CTCF: variants seen among roughly 807,000 people sequenced by gnomAD.
CTCF encodes transcriptional repressor CTCF.
Under a neutral mutation model 72.3 loss-of-function variants are expected in CTCF, and 7 were observed. The observed-to-expected ratio is 0.10, with a 90% CI of 0.06 to 0.18. The LOEUF (loss-of-function observed/expected upper bound fraction) is 0.18, where lower values mean the gene tolerates loss of function less well. CTCF is among the 10% of genes least tolerant of loss of function. The probability of loss-of-function intolerance (pLI) is 1.00; values close to 1 mark genes in which losing one functional copy is unlikely to be tolerated. For synonymous variants in CTCF, 374 were observed against 315.8 expected (o/e 1.18, Z -1.95); for missense variants, 516 against 949.1 (o/e 0.54, Z 6.00).
chr16:67,619,295 G>A (rs1201591645), intron 5 of CTCF, among the ~76,000 whole-genome samples: 1 of 152,118 alleles, frequency 6.6e-6, no homozygotes, highest in Non-Finnish European at 1.5e-5. Context: ...AGTTAGCCAG[G>A]CCTGGTGGCG....
chr16:67,563,976 C>G (rs1396977357), intron 1 of CTCF: 1 of 152,168 alleles, frequency 6.6e-6, no homozygotes, highest in Non-Finnish European at 1.5e-5. Flanking sequence ...GGGTCACTTG[C>G]TGCAGATGGT....
At position 67,637,732 on chromosome 16, in the gene CTCF, G is replaced by A. The variant is rs1350496559; in HGVS notation, c.2044G>A (p.Glu682Lys). 1 of 1,613,902 alleles carries A rather than the reference G, an allele frequency of 6.2e-7. No individual in the cohort carries two copies. Among genetic ancestry groups the A allele is most frequent in the South Asian group, 1.1e-5 (1 of 91,072 alleles). The stretch of plus-strand genomic sequence containing the variant: ...TGAAGACCAGAATACAGGTGCAATT[G>A]AGAACATTATAGTTGAAGTAAAAAA... ...QVEDQNTGAI[E>K]NIIVEVKKEP... The change falls in exon 12 of 12, where the codon GAG becomes AAG. Residue 682 changes from glutamate (E) to lysine (K), a missense_variant. Physicochemically the swap from Glu to Lys is moderately conservative, Grantham distance 56 (BLOSUM62 1). Around this residue, in one of 7 missense-constraint regions of CTCF, gnomAD observed 157 missense variants for 172.9 expected, o/e 0.91. Transcript: ENST00000264010.
chr16:67,608,815 C>T (rs1156686740), intron 2 of CTCF, among the ~76,000 whole-genome samples: 10 of 151,868 alleles, frequency 6.6e-5, no homozygotes, highest in Middle Eastern at 3.4e-3. Context: ...CTTGGCTCAC[C>T]GCAACCTCCA....
chr16:67,580,894 G>A (rs1002966092), intron 2 of CTCF, among the ~76,000 whole-genome samples: 2 of 151,646 alleles, frequency 1.3e-5, no homozygotes, highest in Non-Finnish European at 2.9e-5. Flanking sequence ...GGGATTACAG[G>A]CGTGAGCCAC....
intron 11 of CTCF, among the ~76,000 whole-genome samples, chr16:67,637,230 T>C (rs1003143729): frequency 2.0e-5 from 3 of 152,156 alleles, no homozygotes; most frequent in African/African-American, 7.2e-5. Flanking sequence ...TGCACTGAGA[T>C]TGCCCCTTCT....
intron 10 of CTCF, among the ~76,000 whole-genome samples, chr16:67,635,362 C>T (rs761400139): frequency 4.6e-5 from 7 of 151,082 alleles, no homozygotes; most frequent in African/African-American, 7.3e-5. Flanking sequence ...GACGGGGTTT[C>T]ACCATATTTG....
At chr16:67,575,982 T>C (rs1321074191) in intron 2 of CTCF, among the ~76,000 whole-genome samples, 1 of 146,312 alleles carries the variant, frequency 6.8e-6, no homozygotes. Context: ...TAGTGAGACC[T>C]TGTCTGTAAA....
intron 10 of CTCF, among the ~76,000 whole-genome samples, chr16:67,633,814 A>ACACT (rs1555536501): frequency 1.0e-4 from 15 of 148,074 alleles, no homozygotes; most frequent in Admixed American, 8.1e-4. Context: ...ACACACACAC[A>ACACT]CTCTCACTCA....
At chr16:67,573,809 G>T (rs1326232597) in intron 2 of CTCF, among the ~76,000 whole-genome samples, 1 of 152,092 alleles carries the variant, frequency 6.6e-6, no homozygotes, top group African/African-American at 2.4e-5. Context: ...AAGGTGGGCA[G>T]ATTGCAAGTC....
intron 6 of CTCF, chr16:67,621,037 A>G (rs1423496384): frequency 2.5e-6 from 1 of 403,610 alleles, no homozygotes; most frequent in Non-Finnish European, 4.3e-6. Flanking sequence ...GAATCTGCCT[A>G]CAACAAGAAA....
At chr16:67,586,536 A>G (rs1025382712) in intron 2 of CTCF, among the ~76,000 whole-genome samples, 3 of 139,370 alleles carry the variant, frequency 2.2e-5, no homozygotes, top group Non-Finnish European at 3.1e-5. Context: ...ACTCCGTCTC[A>G]AAAAAAAAAA....
chr16:67,626,450 C>G lies in CTCF; in HGVS notation c.1358-105C>G, dbSNP rs559902830. On this transcript the variant is annotated intron_variant, in intron 7 of 11. Coordinates refer to ENST00000264010, the MANE Select transcript of CTCF (RefSeq NM_006565.4). ...CCTGGGTGACAGAGCAAGACTCCGTCTCAAAAAAAAAAAAAAAAAAAAAGA... is the reference window on the plus strand; with the variant it reads ...CCTGGGTGACAGAGCAAGACTCCGTGTCAAAAAAAAAAAAAAAAAAAAAGA... The G allele has an allele frequency of 3.2e-5, 22 of 695,466 alleles. No individual in the cohort carries two copies. The African/African-American group carries it at 4.5e-4, about 14-fold the overall frequency. The allele number at this position is 695,466 out of a possible 1,614,324, so 43.1% of individuals were successfully genotyped here. A position where few individuals can be genotyped will look rare whatever the true frequency, so the allele number is the denominator to read the frequency against.
At chr16:67,637,434 AG>A (rs1293675326) in intron 11 of CTCF, among the ~76,000 whole-genome samples, 1 of 152,218 alleles carries the variant, frequency 6.6e-6, no homozygotes, top group Admixed American at 6.5e-5. Flanking sequence ...CAGGAGGCTG[AG>A]GCAGGAGAAT....
intron 4 of CTCF, among the ~76,000 whole-genome samples, chr16:67,613,696 A>C (rs1376671254): frequency 6.6e-6 from 1 of 152,160 alleles, no homozygotes; most frequent in Non-Finnish European, 1.5e-5. Flanking sequence ...GAATCACTTG[A>C]ATGCGGGAGA....
intron 10 of CTCF, among the ~76,000 whole-genome samples, chr16:67,631,153 TGTTTTTTTTTTGTTTTTTG>T (rs1432728652): frequency 6.3e-5 from 9 of 143,874 alleles, no homozygotes; most frequent in African/African-American, 2.5e-4. Context: ...GTTCTTTGTT[TGTTTTTTTTTTGTTTTTTG>T]TTTTTTTTTT....
rs58387336 is a variant in CTCF, at chr16:67,624,071, ATGTGTGTGTG to A, written c.1358-2448_1358-2439del. On this transcript the variant is annotated intron_variant, in intron 7 of 11. Coordinates refer to ENST00000264010, the MANE Select transcript of CTCF (RefSeq NM_006565.4). Reference sequence around the variant, plus strand: ...TCAAAAAAAAAAAAAAAAATTATATATGTGTGTGTGTGTGTGTGTGTGTGTGTGTGTGTGT... The same window carrying A: ...TCAAAAAAAAAAAAAAAAATTATATATGTGTGTGTGTGTGTGTGTGTGTGT... Among the ~76,000 whole-genome samples, 535 of 117,584 alleles carry A rather than the reference ATGTGTGTGTG, an allele frequency of 4.5e-3. 2 individuals are homozygous for A. The highest frequency in any genetic ancestry group is 0.012 in the African/African-American group (340 of 29,512). The allele number at this position is 117,584 out of a possible 152,430, so 77.1% of individuals were successfully genotyped here.
chr16:67,632,772 C>T (rs2052382020), intron 10 of CTCF, among the ~76,000 whole-genome samples: 1 of 152,234 alleles, frequency 6.6e-6, no homozygotes, highest in East Asian at 1.9e-4. Context: ...TGCCACCTAT[C>T]TATATATTCC....
At chr16:67,576,366 A>G (rs2051496356) in intron 2 of CTCF, among the ~76,000 whole-genome samples, 1 of 152,000 alleles carries the variant, frequency 6.6e-6, no homozygotes, top group African/African-American at 2.4e-5. Flanking sequence ...AGTCAAAACT[A>G]GTAGTGTGAG....
intron 1 of CTCF, among the ~76,000 whole-genome samples, chr16:67,569,489 T>TTTTCTTTC (rs1001564090): frequency 6.6e-6 from 1 of 152,028 alleles, no homozygotes; most frequent in Non-Finnish European, 1.5e-5. Flanking sequence ...TGGCCTGGGA[T>TTTTCTTTC]TTTCTTTCTT....
Sources: allele counts gnomAD v4.1 joint callset (sites outside exome capture counted in the v4.1 genomes callset), GRCh38; gene constraint gnomAD v4.1.1; regional missense constraint gnomAD v4.1.1; transcripts MANE v1.5; gene names NCBI Gene and HGNC (gene_info 2026-07-23, HGNC 2026-07-21).